IGSF11: variants seen among roughly 807,000 people sequenced by gnomAD.
IGSF11 encodes immunoglobulin superfamily member 11, also known as CXADR like 1.
IGSF11 carries 22 observed loss-of-function variants against 41.0 expected under a neutral mutation model. The ratio of observed to expected loss-of-function variants is 0.54; its 90% confidence interval spans 0.38 to 0.77. IGSF11 has a LOEUF of 0.77. Among genes scored for constraint, IGSF11 ranks in the 30% least tolerant of loss-of-function variants. The probability of loss-of-function intolerance (pLI) is 0.00; values close to 1 mark genes in which losing one functional copy is unlikely to be tolerated. For synonymous variants in IGSF11, 219 were observed against 201.3 expected (o/e 1.09, Z -0.74); for missense variants, 444 against 530.8 (o/e 0.84, Z 1.61).
chr3:119,027,182 G>T (rs1939907064), intron 1 of IGSF11, among the ~76,000 whole-genome samples: 1 of 152,120 alleles, frequency 6.6e-6, no homozygotes, highest in Non-Finnish European at 1.5e-5. Context: ...ATGAGTAAAA[G>T]ATCCACTCAA....
chr3:119,023,059 T>G (rs1939450267), intron 1 of IGSF11, among the ~76,000 whole-genome samples: 1 of 151,848 alleles, frequency 6.6e-6, no homozygotes, highest in Non-Finnish European at 1.5e-5. Flanking sequence ...GTCAGGAGTA[T>G]GAGACCAGCC....
At chr3:119,068,935 T>C (rs1365113857) in intron 1 of IGSF11, among the ~76,000 whole-genome samples, 2 of 145,480 alleles carry the variant, frequency 1.4e-5, no homozygotes, top group Non-Finnish European at 3.0e-5. Flanking sequence ...TTCTTTTTTT[T>C]TTTTTTTTTG....
chr3:119,090,154 A>G (rs751580704), intron 1 of IGSF11, among the ~76,000 whole-genome samples: 6 of 152,214 alleles, frequency 3.9e-5, no homozygotes, highest in Non-Finnish European at 7.3e-5. Flanking sequence ...AATAGCCACA[A>G]AGAAAATGAA....
intron 1 of IGSF11, among the ~76,000 whole-genome samples, chr3:119,104,438 ACTCCCATTCAC>A (rs1185365395): frequency 1.3e-5 from 2 of 151,998 alleles, no homozygotes; most frequent in South Asian, 2.1e-4. Context: ...GACACTGATC[ACTCCCATTCAC>A]TTCTTAAATC....
chr3:118,959,919 C>A (rs1436022982), intron 1 of IGSF11, among the ~76,000 whole-genome samples: 3 of 152,076 alleles, frequency 2.0e-5, no homozygotes, highest in African/African-American at 7.2e-5. Context: ...GTGGCGGGCG[C>A]CTGTAGCCCC....
intron 1 of IGSF11, among the ~76,000 whole-genome samples, chr3:119,018,486 G>C (rs2107708532): frequency 6.6e-6 from 1 of 152,296 alleles, no homozygotes; most frequent in East Asian, 1.9e-4. Context: ...TCCACTTACT[G>C]ATCACTTAAG....
intron 1 of IGSF11, among the ~76,000 whole-genome samples, chr3:118,980,058 T>G (rs934923830): frequency 6.6e-6 from 1 of 152,204 alleles, no homozygotes; most frequent in African/African-American, 2.4e-5. Flanking sequence ...CTCACACTGT[T>G]GGTTGTAATG....
chr3:118,968,664 T>A (rs1195119942), intron 1 of IGSF11, among the ~76,000 whole-genome samples: 1 of 152,226 alleles, frequency 6.6e-6, no homozygotes, highest in South Asian at 2.1e-4. Context: ...TTCGATAACT[T>A]TGAGCAAGTG....
At chr3:119,057,292 A>G (rs1941882207) in intron 1 of IGSF11, among the ~76,000 whole-genome samples, 1 of 152,232 alleles carries the variant, frequency 6.6e-6, no homozygotes, top group Non-Finnish European at 1.5e-5. Context: ...TACAAAATCA[A>G]TGTACAAAAA....
chr3:118,970,290 A>C (rs1361880966), intron 1 of IGSF11, among the ~76,000 whole-genome samples: 3 of 152,206 alleles, frequency 2.0e-5, no homozygotes, highest in African/African-American at 7.2e-5. Flanking sequence ...TTTCCAAACA[A>C]AAGGGAAGGT....
At chr3:118,912,662 A>T (rs926602407) in intron 4 of IGSF11, among the ~76,000 whole-genome samples, 1 of 152,224 alleles carries the variant, frequency 6.6e-6, no homozygotes, top group Non-Finnish European at 1.5e-5. Flanking sequence ...CACATGAGGG[A>T]AACAGGAAAG....
intron 1 of IGSF11, among the ~76,000 whole-genome samples, chr3:118,931,857 C>T (rs1198360951): frequency 1.3e-5 from 2 of 152,096 alleles, no homozygotes; most frequent in South Asian, 4.2e-4. Context: ...CTCAGCCTCC[C>T]AAGTAGATGG....
chr3:119,082,296 T>C (rs2107482360), intron 1 of IGSF11, among the ~76,000 whole-genome samples: 1 of 152,296 alleles, frequency 6.6e-6, no homozygotes, highest in East Asian at 1.9e-4. Context: ...CTTCATGCCA[T>C]AATATCCTCC....
At chr3:119,103,062 A>G (rs2076963664) in intron 1 of IGSF11, among the ~76,000 whole-genome samples, 1 of 148,486 alleles carries the variant, frequency 6.7e-6, no homozygotes, top group South Asian at 2.1e-4. Context: ...CAATGGCGCA[A>G]TCTCAGCTCA....
At chr3:119,056,512 G>C (rs1190304218) in intron 1 of IGSF11, among the ~76,000 whole-genome samples, 3 of 152,206 alleles carry the variant, frequency 2.0e-5, no homozygotes, top group Non-Finnish European at 4.4e-5. Context: ...TCCAGGACCA[G>C]ATGGATTCAC....
rs1015008383 is a variant in IGSF11, at chr3:118,975,365, A to T, written c.53-45090T>A. 2.7e-3 allele frequency among the ~76,000 whole-genome samples: 393 copies of T among 145,960 alleles called. 5 individuals carry two copies. Among genetic ancestry groups the T allele is most frequent in the African/African-American group, 7.5e-3 (304 of 40,658 alleles). ...TAAATTTGTAGCCCTGCTGGATTTA[A>T]AAAAAAAAAAAAAAGATGTGCTCAT... On this transcript the variant is annotated intron_variant, in intron 1 of 6. Coordinates refer to ENST00000393775, the MANE Select transcript of IGSF11 (RefSeq NM_001015887.3).
intron 1 of IGSF11, among the ~76,000 whole-genome samples, chr3:119,003,799 C>T (rs1937165466): frequency 6.6e-6 from 1 of 151,282 alleles, no homozygotes; most frequent in African/African-American, 2.4e-5. Flanking sequence ...AGCCTTGCAT[C>T]CCAGGGATGA....
intron 1 of IGSF11, among the ~76,000 whole-genome samples, chr3:118,961,583 A>G (rs1945336118): frequency 6.6e-6 from 1 of 152,208 alleles, no homozygotes; most frequent in African/African-American, 2.4e-5. Context: ...CTCTAAAAAC[A>G]TAGGAGAAAA....
At chr3:119,004,871 T>C (rs936362138) in intron 1 of IGSF11, among the ~76,000 whole-genome samples, 51 of 152,046 alleles carry the variant, frequency 3.4e-4, no homozygotes, top group Middle Eastern at 3.4e-3. Context: ...CTGAGGAGAG[T>C]TTTACTTCCA....
Sources: gnomAD v4.1 joint callset for allele counts (sites outside exome capture counted in the v4.1 genomes callset) on GRCh38, gnomAD v4.1.1 for gene constraint, MANE v1.5 for transcripts, NCBI Gene and HGNC (gene_info 2026-07-23, HGNC 2026-07-21) for gene names.